PCDHA3: variants seen among roughly 807,000 people sequenced by gnomAD.
PCDHA3 encodes the protein protocadherin alpha-3.
PCDHA3 carries 41 observed loss-of-function variants against 62.2 expected under a neutral mutation model. That is an observed-to-expected ratio of 0.66 (90% CI 0.51 to 0.86). The LOEUF (loss-of-function observed/expected upper bound fraction) is 0.86, where lower values mean the gene tolerates loss of function less well. Ranked by LOEUF, PCDHA3 falls within the 40% of genes least tolerant of loss-of-function variation. The pLI is 0.00. For synonymous variants in PCDHA3, 640 were observed against 555.4 expected, an observed-to-expected ratio of 1.15 and a Z score of -2.14; for missense variants, 1,304 against 1,241.2, an observed-to-expected ratio of 1.05 and a Z score of -0.76.
At chr5:140,939,411 AT>A (rs797027145) in intron 1 of PCDHA3, among the ~76,000 whole-genome samples, 1 of 152,050 alleles carries the variant, frequency 6.6e-6, no homozygotes, top group East Asian at 1.9e-4. Context: ...GTAAATCAGC[AT>A]TTTTTTCTTC....
chr5:140,884,460 C>A (rs782410675), intron 1 of PCDHA3: 72 of 1,613,614 alleles, frequency 4.5e-5, no homozygotes, highest in Non-Finnish European at 5.8e-5. Context: ...ACCGAGGGCG[C>A]GTGCGCGCCG....
intron 3 of PCDHA3, among the ~76,000 whole-genome samples, chr5:140,987,901 T>C (rs1554249667): frequency 6.6e-6 from 1 of 152,180 alleles, no homozygotes. Context: ...TAGTTTTATA[T>C]GGGGATTTAT....
chr5:140,956,540 G>C (rs1356910892), intron 1 of PCDHA3, among the ~76,000 whole-genome samples: 1 of 152,186 alleles, frequency 6.6e-6, no homozygotes, highest in Non-Finnish European at 1.5e-5. Context: ...TGTGCTGCTG[G>C]ATTTGGTTTG....
intron 1 of PCDHA3, among the ~76,000 whole-genome samples, chr5:140,885,980 C>T (rs888571995): frequency 6.6e-6 from 1 of 151,942 alleles, no homozygotes; most frequent in African/African-American, 2.4e-5. Flanking sequence ...ATTATAGATT[C>T]GCATGTGGTT....
intron 1 of PCDHA3, among the ~76,000 whole-genome samples, chr5:140,939,650 A>G (rs1203077314): frequency 1.3e-5 from 2 of 152,228 alleles, no homozygotes; most frequent in African/African-American, 2.4e-5. Flanking sequence ...GAAAACTTCA[A>G]TAACAGGAAT....
chr5:140,812,950 A>C lies in PCDHA3; in HGVS notation c.2394+9359A>C, dbSNP rs1554126090. ...ATTTCTACATATTTGCAGATTTTCC[A>C]GTTTTAATTCCAGTATTGATTTCTA... On this transcript the variant is annotated intron_variant, in intron 1 of 3. Transcript: ENST00000522353. The C allele has an allele frequency of 2.6e-5, 4 of 152,266 alleles. No individual in the cohort carries two copies. The South Asian group carries it at 6.2e-4, about 24-fold the overall frequency. 9.4% of individuals were successfully genotyped at this position (152,266 alleles called of 1,614,324 possible).
At chr5:140,835,288 T>G in intron 1 of PCDHA3, 1 of 1,612,190 alleles carries the variant, frequency 6.2e-7, no homozygotes, top group Non-Finnish European at 8.5e-7. Context: ...AGTGGGGCAA[T>G]CACAGTGATA....
chr5:140,845,564 A>G (rs945837920), intron 1 of PCDHA3, among the ~76,000 whole-genome samples: 4 of 149,618 alleles, frequency 2.7e-5, no homozygotes, highest in African/African-American at 9.8e-5. Context: ...TTAGCTATTA[A>G]GAATTTCTGG....
chr5:140,986,947 C>T (rs983987541), intron 3 of PCDHA3, among the ~76,000 whole-genome samples: 1 of 152,160 alleles, frequency 6.6e-6, no homozygotes, highest in African/African-American at 2.4e-5. Context: ...GGTGTGGTCG[C>T]TCATGCCTGT....
chr5:140,953,542 A>G (rs2094901319), intron 1 of PCDHA3, among the ~76,000 whole-genome samples: 1 of 152,080 alleles, frequency 6.6e-6, no homozygotes, highest in Admixed American at 6.6e-5. Flanking sequence ...CTTCATGCTG[A>G]TTCTTTTCTC....
chr5:140,850,934 T>G (rs2150502964), intron 1 of PCDHA3: 2 of 1,514,156 alleles, frequency 1.3e-6, no homozygotes, highest in African/African-American at 1.4e-5. Flanking sequence ...TTTTTTTTCT[T>G]GAAAGATATT....
chr5:140,934,523 C>T (rs782685676), intron 1 of PCDHA3, among the ~76,000 whole-genome samples: 15 of 152,236 alleles, frequency 9.9e-5, no homozygotes, highest in South Asian at 8.3e-4. Context: ...GACCACACTT[C>T]GAGAGCTACC....
intron 1 of PCDHA3, among the ~76,000 whole-genome samples, chr5:140,962,126 C>T (rs1429316991): frequency 6.6e-6 from 1 of 152,094 alleles, no homozygotes; most frequent in African/African-American, 2.4e-5. Flanking sequence ...ACCTTGGCCT[C>T]GGCCTCCCAA....
chr5:140,941,191 T>TTTTTTTC lies in PCDHA3; in HGVS notation c.2395-37755_2395-37754insTTTCTTT, dbSNP rs1554213809. ...CATCTTGAACATCCTGCTTCTTTTT[T>TTTTTTTC]TTTCTTTCTTCCTTTCTTTCTTCCT... is the stretch of plus-strand genomic sequence containing the variant. On this transcript the variant is annotated intron_variant, in intron 1 of 3. Coordinates refer to ENST00000522353, the MANE Select transcript of PCDHA3 (RefSeq NM_018906.3). Among the ~76,000 whole-genome samples, 30 of 93,254 alleles carry TTTTTTTC rather than the reference T, an allele frequency of 3.2e-4. 1 individual carries two copies. Among genetic ancestry groups the TTTTTTTC allele is most frequent in the Admixed American group, 1.8e-3 (15 of 8,146 alleles). The allele number at this position is 93,254 out of a possible 152,430, so 61.2% of individuals were successfully genotyped here.
At chr5:140,843,440 G>A in intron 1 of PCDHA3, 2 of 1,596,090 alleles carry the variant, frequency 1.3e-6, no homozygotes, top group African/African-American at 2.7e-5. Flanking sequence ...CATCTGCGCG[G>A]TATCCAGCCT....
chr5:140,834,794 AAG>A (rs1773294671), intron 1 of PCDHA3: 1 of 1,613,446 alleles, frequency 6.2e-7, no homozygotes, highest in South Asian at 1.1e-5. Flanking sequence ...CAGCGACACA[AAG>A]GAATCTGTTC....
intron 1 of PCDHA3, among the ~76,000 whole-genome samples, chr5:140,827,455 G>A (rs1173734499): frequency 3.3e-5 from 5 of 152,188 alleles, no homozygotes; most frequent in African/African-American, 7.2e-5. Flanking sequence ...AGAACCTTAA[G>A]AGCATCTGAT....
At chr5:140,944,724 C>G (rs246064) in intron 1 of PCDHA3, among the ~76,000 whole-genome samples, 85,713 of 151,920 alleles carry the variant, frequency 0.56, 24,798 homozygotes, top group African/African-American at 0.69. Flanking sequence ...CTTTGAACAC[C>G]TTAGTAAGTC....
intron 1 of PCDHA3, among the ~76,000 whole-genome samples, chr5:140,846,410 T>C (rs1476345835): frequency 7.2e-6 from 1 of 138,236 alleles, no homozygotes; most frequent in Non-Finnish European, 1.6e-5. Flanking sequence ...AGTCTCGCTC[T>C]ATCTCCCAGG....
Sources: allele counts gnomAD v4.1 joint callset (sites outside exome capture counted in the v4.1 genomes callset), GRCh38; gene constraint gnomAD v4.1.1; transcripts MANE v1.5; gene names NCBI Gene and HGNC (gene_info 2026-07-23, HGNC 2026-07-21).